Variants in ATG4C observed in about 807,000 individuals in gnomAD.
The protein encoded by ATG4C is autophagy related 4C cysteine peptidase.
ATG4C carries 56 observed loss-of-function variants against 57.6 expected under a neutral mutation model. That is an observed-to-expected ratio of 0.97 (90% CI 0.78 to 1.21). ATG4C has a LOEUF of 1.21. Among genes scored for constraint, ATG4C ranks in the 50% most tolerant of loss-of-function variants. The probability of loss-of-function intolerance (pLI) is 0.00; values close to 1 mark genes in which losing one functional copy is unlikely to be tolerated. For synonymous variants in ATG4C, 157 were observed against 174.1 expected, an observed-to-expected ratio of 0.90 and a Z score of 0.78; for missense variants, 595 against 529.8, an observed-to-expected ratio of 1.12 and a Z score of -1.21.
chr1:62,808,530 T>G (rs937904269), intron 3 of ATG4C, among the ~76,000 whole-genome samples: 17 of 152,236 alleles, frequency 1.1e-4, no homozygotes, highest in African/African-American at 4.1e-4. Flanking sequence ...ATATCTATCT[T>G]TAAGGATATA....
At chr1:62,831,787 T>A (rs2100334667) in intron 7 of ATG4C, among the ~76,000 whole-genome samples, 1 of 152,300 alleles carries the variant, frequency 6.6e-6, no homozygotes, top group East Asian at 1.9e-4. Flanking sequence ...GCATTCTAGC[T>A]CCTAATCTGC....
chr1:62,835,862 T>C (rs1665983320), intron 9 of ATG4C, among the ~76,000 whole-genome samples: 1 of 152,042 alleles, frequency 6.6e-6, no homozygotes. Flanking sequence ...ACAGAATAAT[T>C]GTGCCATGTG....
At chr1:62,855,304 T>A (rs1437415329) in intron 10 of ATG4C, among the ~76,000 whole-genome samples, 1 of 152,224 alleles carries the variant, frequency 6.6e-6, no homozygotes, top group Non-Finnish European at 1.5e-5. Context: ...TCTGCTGTGC[T>A]GTAAATGGCC....
chr1:62,788,461 CTTT>C (rs1416462547), intron 1 of ATG4C, among the ~76,000 whole-genome samples: 1 of 147,000 alleles, frequency 6.8e-6, no homozygotes, highest in East Asian at 2.0e-4. Flanking sequence ...ACACACACAC[CTTT>C]TTTTCTTGCT....
chr1:62,787,241 T>C (rs1207969871), intron 1 of ATG4C, among the ~76,000 whole-genome samples: 3 of 152,160 alleles, frequency 2.0e-5, no homozygotes, highest in Admixed American at 2.0e-4. Context: ...ATGCCTAAAA[T>C]AGGTTTTTTT....
At chr1:62,823,195 C>T (rs1238738393) in intron 6 of ATG4C, among the ~76,000 whole-genome samples, 1 of 152,182 alleles carries the variant, frequency 6.6e-6, no homozygotes, top group Non-Finnish European at 1.5e-5. Context: ...TATGTGATAA[C>T]TTATATTTTC....
chr1:62,840,272 CA>C (rs947930217), intron 9 of ATG4C, among the ~76,000 whole-genome samples: 3 of 152,156 alleles, frequency 2.0e-5, no homozygotes, highest in African/African-American at 7.2e-5. Context: ...CCTCCTGCCT[CA>C]GGCTCCTGAA....
chr1:62,794,366 C>T (rs1472024170), intron 1 of ATG4C, among the ~76,000 whole-genome samples: 2 of 152,144 alleles, frequency 1.3e-5, no homozygotes, highest in Non-Finnish European at 2.9e-5. Context: ...GAGAAGAATG[C>T]ATTGGTATTT....
intron 7 of ATG4C, among the ~76,000 whole-genome samples, chr1:62,830,289 G>T (rs557515766): frequency 6.6e-6 from 1 of 152,186 alleles, no homozygotes; most frequent in South Asian, 2.1e-4. Flanking sequence ...AGTATGAGAA[G>T]CTGTGAACCA....
rs1664820551 is a variant in ATG4C, at chr1:62,805,240, C to CA, written c.146dup (p.His49GlnfsTer3). 1 of 1,513,526 alleles carries CA rather than the reference C, an allele frequency of 6.6e-7. No homozygotes were observed. The highest frequency in any genetic ancestry group is 1.5e-5 in the African/African-American group (1 of 68,472). 93.8% of individuals were successfully genotyped at this position (1,513,526 alleles called of 1,614,324 possible). A position where few individuals can be genotyped will look rare whatever the true frequency, so the allele number is the denominator to read the frequency against. On this transcript the variant is annotated frameshift_variant, in exon 3 of 11. Transcript: ENST00000317868. LOFTEE classifies it high-confidence loss of function. ...TGTATTATTGCTTGGAAAATGTTACCATTTTAAATATGAAGGTAAGTACAA... is the reference window on the plus strand; with the variant it reads ...TGTATTATTGCTTGGAAAATGTTACCAATTTTAAATATGAAGGTAAGTACAA...
rs1666932270 is a variant in ATG4C at position 62,864,074 on chromosome 1, C to T, written c.1292C>T (p.Thr431Ile). Residue 431 changes from threonine to isoleucine, a missense_variant, in exon 11 of 11, where the codon ACT becomes ATT. Physicochemically the swap from Thr to Ile is moderately conservative, Grantham distance 89. Coordinates refer to ENST00000317868, the MANE Select transcript of ATG4C (RefSeq NM_032852.4). Reference protein sequence around the residue: ...GHSRDYDFTSTTTNEEDLFSE... With the variant: ...GHSRDYDFTSITTNEEDLFSE... ...TCCAGAGACTATGATTTTACATCTACTACAACCAATGAAGAAGACCTTTTT... is the reference window on the plus strand; with the variant it reads ...TCCAGAGACTATGATTTTACATCTATTACAACCAATGAAGAAGACCTTTTT... The T allele has an allele frequency of 5.6e-6, 9 of 1,604,972 alleles. No homozygotes were observed. The highest frequency in any genetic ancestry group is 6.8e-6 in the Non-Finnish European group (8 of 1,175,476).
chr1:62,863,557 T>G (rs936296710), intron 10 of ATG4C, among the ~76,000 whole-genome samples: 3 of 151,982 alleles, frequency 2.0e-5, no homozygotes, highest in African/African-American at 7.2e-5. Context: ...AAAACAGAGA[T>G]TAGAATGGAC....
chr1:62,840,770 A>G (rs1337021538), intron 9 of ATG4C, among the ~76,000 whole-genome samples: 1 of 152,194 alleles, frequency 6.6e-6, no homozygotes, highest in Non-Finnish European at 1.5e-5. Flanking sequence ...TATTGGAGAA[A>G]AGTGAACTAA....
At chr1:62,821,266 G>C in intron 6 of ATG4C, 57 bp downstream of exon 6, 2 of 1,187,842 alleles carry the variant, frequency 1.7e-6, no homozygotes, top group Non-Finnish European at 2.3e-6. Context: ...TTTTATATGT[G>C]TTTAGCTTAT....
chr1:62,864,307 G>T lies in ATG4C; in HGVS notation c.*148G>T, dbSNP rs1572187364. 3.2e-6 allele frequency: 2 copies of T among 623,562 alleles called. No homozygotes were observed. The highest frequency in any genetic ancestry group is 2.3e-5 in the South Asian group (1 of 42,910). 38.6% of individuals were successfully genotyped at this position (623,562 alleles called of 1,614,324 possible). On this transcript the variant is annotated 3_prime_UTR_variant, in exon 11 of 11. Transcript: ENST00000317868. ...AACATTTGAAAATATAACAGTTAAA[G>T]ATATTTTTCTAAAAGAGAAATGATT...
At chr1:62,794,235 G>T (rs1369641802) in intron 1 of ATG4C, among the ~76,000 whole-genome samples, 13 of 152,222 alleles carry the variant, frequency 8.5e-5, no homozygotes, top group Admixed American at 5.2e-4. Context: ...CAGTGCTGCA[G>T]AAGTGGAGGT....
At chr1:62,844,888 A>G (rs1399634818) in intron 10 of ATG4C, among the ~76,000 whole-genome samples, 1 of 152,090 alleles carries the variant, frequency 6.6e-6, no homozygotes, top group Non-Finnish European at 1.5e-5. Flanking sequence ...GAGATTATCT[A>G]TGTAACCGTA....
intron 10 of ATG4C, among the ~76,000 whole-genome samples, chr1:62,845,514 T>C (rs894557545): frequency 2.6e-5 from 4 of 152,246 alleles, no homozygotes; most frequent in African/African-American, 7.2e-5. Flanking sequence ...TATATTCTTC[T>C]AGGCCGCTAT....
intron 10 of ATG4C, among the ~76,000 whole-genome samples, chr1:62,847,430 G>A (rs990527094): frequency 6.6e-6 from 1 of 152,040 alleles, no homozygotes; most frequent in Non-Finnish European, 1.5e-5. Flanking sequence ...AAAATTAAAA[G>A]TTTCATCGAG....
Sources: allele counts gnomAD v4.1 joint callset (sites outside exome capture counted in the v4.1 genomes callset), GRCh38; gene constraint gnomAD v4.1.1; transcripts MANE v1.5; gene names NCBI Gene and HGNC (gene_info 2026-07-23, HGNC 2026-07-21).